Variants in PCDH9 observed in about 807,000 individuals in gnomAD.
PCDH9 encodes the protein protocadherin 9.
In PCDH9, 24 loss-of-function variants were observed where a neutral mutation model predicts 70.6. The ratio of observed to expected loss-of-function variants is 0.34; its 90% confidence interval spans 0.25 to 0.48. The LOEUF is 0.48. Among genes scored for constraint, PCDH9 ranks in the 20% least tolerant of loss-of-function variants. The pLI, the probability that PCDH9 is intolerant of heterozygous loss-of-function variation, is 0.99. For synonymous variants in PCDH9, 562 were observed against 558.5 expected (o/e 1.01, Z -0.09); for missense variants, 1,281 against 1,503.6 (o/e 0.85, Z 2.45).
intron 4 of PCDH9, among the ~76,000 whole-genome samples, chr13:66,512,548 C>A (rs1013786072): frequency 6.6e-6 from 1 of 151,874 alleles, no homozygotes; most frequent in African/African-American, 2.4e-5. Context: ...TCCACAATAC[C>A]CCCAGATTCT....
chr13:66,369,973 A>G (rs1956616827), intron 4 of PCDH9, among the ~76,000 whole-genome samples: 1 of 152,066 alleles, frequency 6.6e-6, no homozygotes, highest in African/African-American at 2.4e-5. Context: ...TCTCCAGTGA[A>G]AAATACAGTG....
intron 3 of PCDH9, among the ~76,000 whole-genome samples, chr13:66,875,702 A>G (rs922792056): frequency 1.3e-5 from 2 of 152,212 alleles, no homozygotes; most frequent in Non-Finnish European, 2.9e-5. Flanking sequence ...TGTCATCTAG[A>G]TTCTAAAAAG....
intron 4 of PCDH9, among the ~76,000 whole-genome samples, chr13:66,500,632 G>GT (rs1292127121): frequency 6.6e-6 from 1 of 152,054 alleles, no homozygotes; most frequent in East Asian, 1.9e-4. Flanking sequence ...GAAATGATTA[G>GT]TTTTTTATAT....
chr13:67,224,858 A>C, intron 2 of PCDH9: 4 of 965,582 alleles, frequency 4.1e-6, no homozygotes, highest in Non-Finnish European at 4.9e-6. Flanking sequence ...TATATGGCTT[A>C]GTTGCAATCT....
intron 4 of PCDH9, among the ~76,000 whole-genome samples, chr13:66,625,594 GTT>G (rs548549450): frequency 1.3e-5 from 2 of 148,534 alleles, no homozygotes; most frequent in African/African-American, 5.0e-5. Context: ...TATATGTTGG[GTT>G]TTTTTTTCAT....
In PCDH9 at chr13:66,875,807, C is replaced by T. The variant is rs1284409668; in HGVS notation, c.3138+27697G>A. 3.9e-5 allele frequency among the ~76,000 whole-genome samples: 6 copies of T among 152,254 alleles called. No individual in the cohort carries two copies. In the South Asian group the frequency reaches 6.2e-4, roughly 16 times the overall value. On this transcript the variant is annotated intron_variant, in intron 3 of 4. Transcript: ENST00000377865. ...AAGAGACCCTGGACAACTATTCATA[C>T]TGGAATGTATAGATTATTAAAGTTG...
chr13:66,464,158 A>T (rs1035964013), intron 4 of PCDH9, among the ~76,000 whole-genome samples: 2 of 151,766 alleles, frequency 1.3e-5, no homozygotes, highest in Non-Finnish European at 2.9e-5. Flanking sequence ...TGTTTAACCC[A>T]GAATACGATG....
At chr13:66,627,639 G>A (rs1236028566) in intron 4 of PCDH9, among the ~76,000 whole-genome samples, 1 of 151,960 alleles carries the variant, frequency 6.6e-6, no homozygotes, top group Admixed American at 6.6e-5. Context: ...GATGAACAAG[G>A]CACTGTCACA....
intron 2 of PCDH9, among the ~76,000 whole-genome samples, chr13:66,923,520 A>G (rs773424379): frequency 1.3e-5 from 2 of 151,720 alleles, no homozygotes; most frequent in Non-Finnish European, 3.0e-5. Context: ...TAAAAAATCT[A>G]TCATCATAGG....
intron 2 of PCDH9, among the ~76,000 whole-genome samples, chr13:66,984,593 A>T (rs900346104): frequency 2.0e-5 from 3 of 152,102 alleles, no homozygotes; most frequent in African/African-American, 4.8e-5. Context: ...AATGCAAAAA[A>T]TTTTTTTAAG....
At chr13:66,914,922 G>A (rs970086435) in intron 2 of PCDH9, 1 of 151,576 alleles carries the variant, frequency 6.6e-6, no homozygotes, top group African/African-American at 2.4e-5. Context: ...ATGTGTGTGT[G>A]TTTTTTTCCT....
intron 4 of PCDH9, among the ~76,000 whole-genome samples, chr13:66,408,050 C>CTG (rs1555290032): frequency 1.5e-5 from 2 of 132,262 alleles, no homozygotes; most frequent in East Asian, 4.5e-4. Context: ...GCAGGGATCA[C>CTG]TTTTTTTTTT....
intron 2 of PCDH9, chr13:67,211,796 G>C (rs546362945): frequency 6.6e-6 from 1 of 152,024 alleles, no homozygotes; most frequent in Admixed American, 6.5e-5. Context: ...CCATCTGGAG[G>C]CAGAAGCCAA....
chr13:67,116,106 C>T (rs2086766937), intron 2 of PCDH9, among the ~76,000 whole-genome samples: 1 of 152,070 alleles, frequency 6.6e-6, no homozygotes, highest in Non-Finnish European at 1.5e-5. Flanking sequence ...TCTTTGATTT[C>T]TGTCAACAAA....
At chr13:67,176,918 T>G (rs2088476760) in intron 2 of PCDH9, among the ~76,000 whole-genome samples, 1 of 152,098 alleles carries the variant, frequency 6.6e-6, no homozygotes, top group Non-Finnish European at 1.5e-5. Context: ...GATTTGCTGT[T>G]GGGTAAGAAA....
chr13:66,797,727 T>G (rs2080265811), intron 3 of PCDH9, among the ~76,000 whole-genome samples: 1 of 152,160 alleles, frequency 6.6e-6, no homozygotes, highest in Non-Finnish European at 1.5e-5. Flanking sequence ...TTATAGAGTA[T>G]GTGCATTTAA....
chr13:66,623,377 G>C (rs1356568980), intron 4 of PCDH9, among the ~76,000 whole-genome samples: 1 of 152,160 alleles, frequency 6.6e-6, no homozygotes, highest in Non-Finnish European at 1.5e-5. Flanking sequence ...AAAAGCTGTG[G>C]AGTCAGACAC....
intron 2 of PCDH9, among the ~76,000 whole-genome samples, chr13:66,911,196 A>C (rs2082459607): frequency 6.6e-6 from 1 of 152,182 alleles, no homozygotes; most frequent in African/African-American, 2.4e-5. Flanking sequence ...GGTTCCTTCT[A>C]AATGTGCAGT....
At chr13:66,745,464 C>G (rs1457088143) in intron 3 of PCDH9, among the ~76,000 whole-genome samples, 1 of 152,108 alleles carries the variant, frequency 6.6e-6, no homozygotes, top group African/African-American at 2.4e-5. Context: ...CTTGAGAGAT[C>G]AACCAAGCAG....
Sources: gnomAD v4.1 joint callset for allele counts (sites outside exome capture counted in the v4.1 genomes callset) on GRCh38, gnomAD v4.1.1 for gene constraint, MANE v1.5 for transcripts, NCBI Gene and HGNC (gene_info 2026-07-23, HGNC 2026-07-21) for gene names.